The following SBF2 variants were observed in gnomAD, a reference collection of about 807,000 sequenced individuals.
SBF2 encodes SET binding factor 2, also known as myotubularin-related protein 13.
Under a neutral mutation model 225.2 loss-of-function variants are expected in SBF2, and 112 were observed. The observed-to-expected ratio is 0.50, with a 90% CI of 0.43 to 0.58. SBF2 has a LOEUF of 0.58. Ranked by LOEUF, SBF2 falls within the 20% of genes least tolerant of loss-of-function variation. SBF2 has a pLI of 0.00. For synonymous variants in SBF2, 763 were observed against 773.3 expected, an observed-to-expected ratio of 0.99 and a Z score of 0.22; for missense variants, 1,996 against 2,206.2, an observed-to-expected ratio of 0.90 and a Z score of 1.91.
intron 1 of SBF2, among the ~76,000 whole-genome samples, chr11:10,288,982 G>A (rs936275179): frequency 5.3e-5 from 8 of 152,066 alleles, no homozygotes; most frequent in Admixed American, 1.3e-4. Flanking sequence ...CGCCATCCAC[G>A]ACGCCCAGGC....
At chr11:10,020,567 T>A (rs2134593873) in intron 6 of SBF2, among the ~76,000 whole-genome samples, 1 of 152,304 alleles carries the variant, frequency 6.6e-6, no homozygotes, top group East Asian at 1.9e-4. Context: ...AGCTTTTTAA[T>A]AAACTTTCAC....
At chr11:10,206,357 C>T (rs1194293793) in intron 1 of SBF2, among the ~76,000 whole-genome samples, 1 of 151,884 alleles carries the variant, frequency 6.6e-6, no homozygotes, top group African/African-American at 2.4e-5. Flanking sequence ...AATTAAACTG[C>T]CACTGGAACA....
chr11:9,848,247 T>C (rs1016273293), intron 22 of SBF2, among the ~76,000 whole-genome samples: 3 of 152,220 alleles, frequency 2.0e-5, no homozygotes, highest in Non-Finnish European at 4.4e-5. Flanking sequence ...ATCCAGAGGC[T>C]AAGCAAAGTC....
intron 3 of SBF2, among the ~76,000 whole-genome samples, chr11:10,031,618 A>G (rs1408587754): frequency 2.0e-5 from 3 of 152,240 alleles, no homozygotes; most frequent in Non-Finnish European, 4.4e-5. Context: ...ACTTGTCTCA[A>G]TGTCTCAAAC....
At chr11:9,954,910 T>C (rs1866062296) in intron 16 of SBF2, among the ~76,000 whole-genome samples, 1 of 152,106 alleles carries the variant, frequency 6.6e-6, no homozygotes, top group South Asian at 2.1e-4. Context: ...GTCATTTTAA[T>C]ACCAATCATT....
At chr11:10,144,432 G>A (rs890960647) in intron 2 of SBF2, among the ~76,000 whole-genome samples, 3 of 152,156 alleles carry the variant, frequency 2.0e-5, no homozygotes, top group African/African-American at 4.8e-5. Context: ...AGGTTACAGT[G>A]AGCCAAGGCT....
In SBF2 at chr11:10,174,832, C is replaced by A. The variant is rs7117790; in HGVS notation, c.141+19070G>T. On this transcript the variant is annotated intron_variant, in intron 2 of 39. Coordinates refer to ENST00000256190, the MANE Select transcript of SBF2 (RefSeq NM_030962.4). The stretch of plus-strand genomic sequence containing the variant: ...GATCTCTCGGCAGAAACTCTACAAG[C>A]CAGAAGACAGTGGGGGCCAATATTC... Among the ~76,000 whole-genome samples, 266 of 151,664 alleles carry A rather than the reference C, an allele frequency of 1.8e-3. 2 individuals are homozygous for A. Among genetic ancestry groups the A allele is most frequent in the African/African-American group, 6.2e-3 (257 of 41,232 alleles).
intron 25 of SBF2, among the ~76,000 whole-genome samples, chr11:9,840,974 AT>A (rs1200134504): frequency 4.0e-5 from 6 of 151,896 alleles, no homozygotes; most frequent in Non-Finnish European, 7.4e-5. Context: ...GAAAAAAAAA[AT>A]CCATGTTAAA....
chr11:10,188,396 G>C (rs549741559), intron 2 of SBF2, among the ~76,000 whole-genome samples: 42 of 152,228 alleles, frequency 2.8e-4, no homozygotes, highest in African/African-American at 9.6e-4. Context: ...AGATGTAGTG[G>C]GTCAGGCCTG....
At chr11:9,781,727 T>C (rs1852021357) in intron 38 of SBF2, 89 bp from the exon 39 acceptor site, 2 of 1,460,454 alleles carry the variant, frequency 1.4e-6, no homozygotes, top group Non-Finnish European at 1.9e-6. Context: ...CCTTCCTCTG[T>C]ACCTTGGTTA....
intron 2 of SBF2, among the ~76,000 whole-genome samples, chr11:10,071,750 T>C (rs1950890184): frequency 6.6e-6 from 1 of 152,210 alleles, no homozygotes; most frequent in Non-Finnish European, 1.5e-5. Flanking sequence ...TCTATTGAGA[T>C]AATCATGTGG....
chr11:10,166,061 C>T (rs1200885568), intron 2 of SBF2, among the ~76,000 whole-genome samples: 1 of 152,154 alleles, frequency 6.6e-6, no homozygotes, highest in East Asian at 1.9e-4. Context: ...TCCATAAGGG[C>T]ATTGCCACAT....
At chr11:9,995,458 A>G (rs73406750) in intron 9 of SBF2, among the ~76,000 whole-genome samples, 1,723 of 152,298 alleles carry the variant, frequency 0.011, 33 homozygotes, top group African/African-American at 0.039. Flanking sequence ...CCACAGTACA[A>G]AATATCTTAG....
intron 2 of SBF2, among the ~76,000 whole-genome samples, chr11:10,159,569 C>T (rs1183478779): frequency 6.6e-6 from 1 of 152,184 alleles, no homozygotes; most frequent in African/African-American, 2.4e-5. Flanking sequence ...CCAATCAGCA[C>T]TCTTGGCTCA....
intron 7 of SBF2, among the ~76,000 whole-genome samples, chr11:10,001,773 G>A (rs929466079): frequency 2.0e-5 from 3 of 151,972 alleles, no homozygotes; most frequent in Non-Finnish European, 2.9e-5. Context: ...TGATCCACCC[G>A]CCTCGGCCTA....
intron 32 of SBF2, among the ~76,000 whole-genome samples, chr11:9,799,746 C>T (rs1853370851): frequency 6.6e-6 from 1 of 152,158 alleles, no homozygotes; most frequent in Non-Finnish European, 1.5e-5. Flanking sequence ...CAAGAAAAAT[C>T]ATACTTTCTC....
At chr11:9,843,945 C>G (rs1166676610) in intron 24 of SBF2, 1 of 152,146 alleles carries the variant, frequency 6.6e-6, no homozygotes, top group Non-Finnish European at 1.5e-5. Context: ...TCTTTTGTTT[C>G]ATATACCCAG....
intron 22 of SBF2, 88 bp from the exon 23 acceptor site, chr11:9,847,171 G>C (rs964545504): frequency 2.0e-6 from 3 of 1,520,962 alleles, no homozygotes; most frequent in African/African-American, 1.4e-5. Context: ...GTCTCTGCTA[G>C]AGAAATGTAT....
At chr11:9,798,921 C>CA (rs371798703) in intron 32 of SBF2, among the ~76,000 whole-genome samples, 376 of 146,614 alleles carry the variant, frequency 2.6e-3, no homozygotes, top group East Asian at 0.012. Context: ...CACCGCACTC[C>CA]AGCCTGGGCA....
Sources: gnomAD v4.1 joint callset for allele counts (sites outside exome capture counted in the v4.1 genomes callset) on GRCh38, gnomAD v4.1.1 for gene constraint, MANE v1.5 for transcripts, NCBI Gene and HGNC (gene_info 2026-07-23, HGNC 2026-07-21) for gene names.